MOB3B: variants seen among roughly 807,000 people sequenced by gnomAD.
The protein encoded by MOB3B is MOB kinase activator-like 2B.
A neutral mutation model predicts 18.7 loss-of-function variants in MOB3B; 7 were observed. The ratio of observed to expected loss-of-function variants is 0.37; its 90% confidence interval spans 0.21 to 0.70. The LOEUF is 0.70. Ranked by LOEUF, MOB3B falls within the 30% of genes least tolerant of loss-of-function variation. The pLI is 0.52. For missense variants in MOB3B, 253 were observed against 281.3 expected, an observed-to-expected ratio of 0.90 and a Z score of 0.72; for synonymous variants, 111 against 99.9, an observed-to-expected ratio of 1.11 and a Z score of -0.66.
At chr9:27,440,728 TCA>T (rs1491200839) in intron 2 of MOB3B, among the ~76,000 whole-genome samples, 4 of 126,892 alleles carry the variant, frequency 3.2e-5, no homozygotes, top group Non-Finnish European at 6.7e-5. Flanking sequence ...ATCAGAAGAT[TCA>T]TTTTTTTTTT....
chr9:27,325,818 T>C lies in MOB3B; in HGVS notation c.*4769A>G, dbSNP rs1820702206. 3 of 152,162 alleles carry C rather than the reference T, an allele frequency of 2.0e-5. No homozygotes were observed. The highest frequency in any genetic ancestry group is 7.2e-5 in the African/African-American group (3 of 41,442). 9.4% of individuals were successfully genotyped at this position (152,162 alleles called of 1,614,324 possible). On this transcript the variant is annotated 3_prime_UTR_variant, in exon 4 of 4. Transcript: ENST00000262244. ...TTTTTGCTTTTGTTTTCTCCCAGTG[T>C]GGTACTCATGGAGTATGGAAGGGAC...
At chr9:27,516,322 C>T (rs1159015089) in intron 1 of MOB3B, among the ~76,000 whole-genome samples, 1 of 152,154 alleles carries the variant, frequency 6.6e-6, no homozygotes, top group Non-Finnish European at 1.5e-5. Context: ...AGTAAAGAAA[C>T]CAGGCAAACT....
chr9:27,516,283 C>A (rs1359091157), intron 1 of MOB3B, among the ~76,000 whole-genome samples: 1 of 152,124 alleles, frequency 6.6e-6, no homozygotes, highest in East Asian at 1.9e-4. Context: ...TGAATACATC[C>A]CAAAACTCCT....
chr9:27,430,180 T>C (rs150208779), intron 2 of MOB3B, among the ~76,000 whole-genome samples: 3 of 152,298 alleles, frequency 2.0e-5, no homozygotes, highest in Admixed American at 6.5e-5. Context: ...CACACCTTTT[T>C]AGTACAATTA....
At chr9:27,474,079 A>G (rs1056380651) in intron 1 of MOB3B, among the ~76,000 whole-genome samples, 1 of 152,182 alleles carries the variant, frequency 6.6e-6, no homozygotes, top group African/African-American at 2.4e-5. Context: ...GTTGTTTATA[A>G]GCCACCCAGT....
chr9:27,418,151 A>G (rs1822183593), intron 2 of MOB3B, among the ~76,000 whole-genome samples: 1 of 151,326 alleles, frequency 6.6e-6, no homozygotes, highest in Admixed American at 6.6e-5. Context: ...GAAGAATTAG[A>G]AACCCTCAAT....
chr9:27,466,682 C>A (rs78752429), intron 1 of MOB3B, among the ~76,000 whole-genome samples: 1 of 151,848 alleles, frequency 6.6e-6, no homozygotes, highest in East Asian at 1.9e-4. Flanking sequence ...ACTTCTTATA[C>A]GGCAGCAGCA....
intron 2 of MOB3B, among the ~76,000 whole-genome samples, chr9:27,383,790 A>C (rs1821613130): frequency 6.6e-6 from 1 of 152,174 alleles, no homozygotes; most frequent in Admixed American, 6.5e-5. Context: ...ACTGCGCTCT[A>C]CCCAAAACAT....
At chr9:27,376,263 C>T (rs1383417378) in intron 2 of MOB3B, among the ~76,000 whole-genome samples, 1 of 152,174 alleles carries the variant, frequency 6.6e-6, no homozygotes, top group Non-Finnish European at 1.5e-5. Context: ...GACAGTTGGT[C>T]CTGACAATTT....
At chr9:27,495,794 C>G (rs1819889243) in intron 1 of MOB3B, among the ~76,000 whole-genome samples, 1 of 152,090 alleles carries the variant, frequency 6.6e-6, no homozygotes, top group African/African-American at 2.4e-5. Context: ...GATATCCAGG[C>G]AAGAGAACTA....
At chr9:27,509,579 G>C (rs1333932671) in intron 1 of MOB3B, among the ~76,000 whole-genome samples, 2 of 151,716 alleles carry the variant, frequency 1.3e-5, no homozygotes, top group East Asian at 3.9e-4. Flanking sequence ...ACCATGCCTG[G>C]CTAATTTTTG....
chr9:27,418,112 A>AAAAAAAAAAAAAAAC (rs1822182970), intron 2 of MOB3B, among the ~76,000 whole-genome samples: 1 of 147,444 alleles, frequency 6.8e-6, no homozygotes, highest in Non-Finnish European at 1.5e-5. Flanking sequence ...AAAAAAAAAA[A>AAAAAAAAAAAAAAAC]GTAATACAAC....
At chr9:27,484,614 T>C (rs138051955) in intron 1 of MOB3B, among the ~76,000 whole-genome samples, 16 of 152,322 alleles carry the variant, frequency 1.1e-4, no homozygotes, top group African/African-American at 3.6e-4. Flanking sequence ...AGGGCCACCA[T>C]AAAGGCTTCA....
chr9:27,415,732 T>A (rs545675828), intron 2 of MOB3B, among the ~76,000 whole-genome samples: 1 of 152,224 alleles, frequency 6.6e-6, no homozygotes, highest in East Asian at 1.9e-4. Context: ...CTAATTTCAA[T>A]GGATTTGGCT....
At chr9:27,336,411 C>T (rs138388084) in intron 3 of MOB3B, among the ~76,000 whole-genome samples, 1 of 151,838 alleles carries the variant, frequency 6.6e-6, no homozygotes, top group African/African-American at 2.4e-5. Context: ...CTCTGAGACA[C>T]CAGGAGAAAG....
rs1822854287 is a variant in MOB3B at position 27,455,374 on chromosome 9, C to T, written c.177G>A (p.Trp59Ter). 6.2e-7 allele frequency: 1 copy of T among 1,614,042 alleles called. No individual in the cohort carries two copies. The highest frequency in any genetic ancestry group is 8.5e-7 in the Non-Finnish European group (1 of 1,180,040). The change falls in exon 2 of 4, where the codon TGG becomes TGA. Residue 59 changes from tryptophan (W) to a stop codon, truncating the protein, a stop_gained. Transcript: ENST00000262244. LOFTEE classifies it high-confidence loss of function. ...QLPSGEDQND[W>*]VAVHVVDFFN... is the part of the protein sequence containing the mutation. ...AGAAGTCCACCACATGTACTGCCAC[C>T]CAGTCATTCTGGTCCTCCCCACTGG...
intron 2 of MOB3B, among the ~76,000 whole-genome samples, chr9:27,442,639 C>T (rs1274715122): frequency 6.6e-6 from 1 of 152,176 alleles, no homozygotes; most frequent in Admixed American, 6.5e-5. Context: ...CCTCTTTGCC[C>T]CTGGCTCCTG....
At chr9:27,365,345 T>C (rs934465832) in intron 2 of MOB3B, among the ~76,000 whole-genome samples, 19 of 149,262 alleles carry the variant, frequency 1.3e-4, no homozygotes, top group African/African-American at 2.0e-4. Context: ...CTTTTTATCA[T>C]TGAAATCTTC....
intron 2 of MOB3B, among the ~76,000 whole-genome samples, chr9:27,429,234 T>C (rs1225577995): frequency 3.3e-5 from 5 of 152,154 alleles, no homozygotes; most frequent in Non-Finnish European, 7.3e-5. Context: ...CAACTCTCAA[T>C]AATGCTCTAA....
Sources: gnomAD v4.1 joint callset for allele counts (sites outside exome capture counted in the v4.1 genomes callset) on GRCh38, gnomAD v4.1.1 for gene constraint, MANE v1.5 for transcripts, NCBI Gene and HGNC (gene_info 2026-07-23, HGNC 2026-07-21) for gene names.